The following ABCD2 variants were observed in gnomAD, a reference collection of about 807,000 sequenced individuals.
ABCD2 encodes the protein ATP binding cassette subfamily D member 2.
ABCD2 carries 36 observed loss-of-function variants against 70.9 expected under a neutral mutation model. That is an observed-to-expected ratio of 0.51 (90% CI 0.39 to 0.67). The LOEUF is 0.67. ABCD2 is among the 30% of genes least tolerant of loss of function. The pLI, the probability that ABCD2 is intolerant of heterozygous loss-of-function variation, is 0.00. For synonymous variants in ABCD2, 304 were observed against 306.9 expected, an observed-to-expected ratio of 0.99 and a Z score of 0.10; for missense variants, 729 against 890.2, an observed-to-expected ratio of 0.82 and a Z score of 2.30.
At chr12:39,579,644 T>C in intron 7 of ABCD2, 25 bp from the exon 8 acceptor site, 1 of 1,531,062 alleles carries the variant, frequency 6.5e-7, no homozygotes, top group African/African-American at 1.4e-5. Context: ...AAAATATACA[T>C]TTTTATAAAT....
chr12:39,585,148 A>C (rs1258739846), intron 7 of ABCD2, among the ~76,000 whole-genome samples: 3 of 152,220 alleles, frequency 2.0e-5, no homozygotes, highest in African/African-American at 7.2e-5. Flanking sequence ...CTTCCTATCC[A>C]TGAACATGGG....
chr12:39,534,784 AAG>A, the ABCD2 span, among the ~76,000 whole-genome samples: 1 of 149,966 alleles, frequency 6.7e-6, no homozygotes, highest in Non-Finnish European at 1.5e-5. Flanking sequence ...GAAAGAAAGA[AAG>A]AAAGAAAGAA....
chr12:39,589,784 A>G (rs1466487296), intron 6 of ABCD2, among the ~76,000 whole-genome samples: 1 of 152,052 alleles, frequency 6.6e-6, no homozygotes, highest in Non-Finnish European at 1.5e-5. Flanking sequence ...TATGTATAAA[A>G]GTATTCATAA....
At chr12:39,574,744 A>T (rs1941493528) in intron 8 of ABCD2, among the ~76,000 whole-genome samples, 2 of 152,308 alleles carry the variant, frequency 1.3e-5, no homozygotes, top group South Asian at 4.1e-4. Flanking sequence ...TTACAAAAAA[A>T]TTCTGATTTT....
intron 9 of ABCD2, among the ~76,000 whole-genome samples, chr12:39,557,188 T>A (rs1941180880): frequency 6.6e-6 from 1 of 152,136 alleles, no homozygotes; most frequent in Non-Finnish European, 1.5e-5. Flanking sequence ...CAGATGAAGA[T>A]GAGAATCTTC....
the ABCD2 span, among the ~76,000 whole-genome samples, chr12:39,533,254 A>G: frequency 1.3e-5 from 2 of 152,210 alleles, no homozygotes; most frequent in African/African-American, 4.8e-5. Flanking sequence ...AAGATTGAAG[A>G]GAAGAGAGAT....
intron 7 of ABCD2, 36 bp from the exon 8 acceptor site, chr12:39,579,655 C>T (rs1447537946): frequency 6.7e-7 from 1 of 1,494,312 alleles, no homozygotes. Context: ...TTTTATAAAT[C>T]ATTTGTTTAA....
chr12:39,610,273 G>A (rs1186815763), intron 2 of ABCD2, among the ~76,000 whole-genome samples: 5 of 152,102 alleles, frequency 3.3e-5, no homozygotes, highest in Admixed American at 6.6e-5. Flanking sequence ...AGTCCAATGT[G>A]TCCTCTCCTA....
intron 3 of ABCD2, among the ~76,000 whole-genome samples, chr12:39,606,229 T>A (rs1941967427): frequency 6.6e-6 from 1 of 152,108 alleles, no homozygotes; most frequent in African/African-American, 2.4e-5. Context: ...AAACTAAGAA[T>A]GTGCCGGTAG....
chr12:39,563,526 GAAAT>G (rs947807473), intron 9 of ABCD2, among the ~76,000 whole-genome samples: 5 of 151,984 alleles, frequency 3.3e-5, no homozygotes, highest in Admixed American at 6.6e-5. Flanking sequence ...GCAAGAAAAA[GAAAT>G]AAAAGGCATC....
the ABCD2 span, among the ~76,000 whole-genome samples, chr12:39,538,974 T>A: frequency 6.6e-6 from 1 of 152,174 alleles, no homozygotes; most frequent in South Asian, 2.1e-4. Flanking sequence ...TGATGCCATT[T>A]TAGGCCTCAG....
intron 6 of ABCD2, among the ~76,000 whole-genome samples, chr12:39,598,716 T>C (rs1424454257): frequency 6.6e-6 from 1 of 152,288 alleles, no homozygotes; most frequent in African/African-American, 2.4e-5. Flanking sequence ...TATTTACTAA[T>C]GAGAATATCA....
At chr12:39,581,731 A>G (rs183975905) in intron 7 of ABCD2, among the ~76,000 whole-genome samples, 75 of 152,332 alleles carry the variant, frequency 4.9e-4, no homozygotes, top group African/African-American at 1.8e-3. Context: ...TTTAACTTTT[A>G]CATATTTTAA....
intron 9 of ABCD2, among the ~76,000 whole-genome samples, chr12:39,567,985 T>C (rs901887567): frequency 2.0e-5 from 3 of 151,884 alleles, no homozygotes; most frequent in African/African-American, 7.3e-5. Context: ...GAGTTTCTGC[T>C]GATAGATCAG....
chr12:39,610,400 C>A (rs549827735), intron 2 of ABCD2, among the ~76,000 whole-genome samples: 2 of 152,072 alleles, frequency 1.3e-5, no homozygotes, highest in East Asian at 3.9e-4. Flanking sequence ...GAGGGAGAAG[C>A]AAAAGATGTG....
chr12:39,559,780 T>C (rs905416311), intron 9 of ABCD2, among the ~76,000 whole-genome samples: 1 of 152,122 alleles, frequency 6.6e-6, no homozygotes, highest in African/African-American at 2.4e-5. Context: ...CTTAGCAAAA[T>C]TGTCCTTTGG....
intron 9 of ABCD2, among the ~76,000 whole-genome samples, chr12:39,556,191 A>C (rs1221521572): frequency 1.3e-5 from 2 of 152,326 alleles, no homozygotes; most frequent in Non-Finnish European, 2.9e-5. Flanking sequence ...GGACAGAATA[A>C]AGTGCCAGTG....
downstream of ABCD2, among the ~76,000 whole-genome samples, chr12:39,546,058 C>G (rs967764065): frequency 1.3e-5 from 2 of 152,016 alleles, no homozygotes; most frequent in African/African-American, 4.8e-5. Flanking sequence ...TGAGTTAATT[C>G]TTAATTTATT....
intron 3 of ABCD2, among the ~76,000 whole-genome samples, chr12:39,607,250 C>A (rs1456339167): frequency 6.6e-6 from 1 of 152,146 alleles, no homozygotes; most frequent in Non-Finnish European, 1.5e-5. Context: ...AACAGAGACA[C>A]AGACGCTGTA....
Sources: allele counts gnomAD v4.1 joint callset (sites outside exome capture counted in the v4.1 genomes callset), GRCh38; gene constraint gnomAD v4.1.1; transcripts MANE v1.5; gene names NCBI Gene and HGNC (gene_info 2026-07-23, HGNC 2026-07-21).